Variants in ACOT11 observed in about 807,000 individuals in gnomAD.
ACOT11 encodes acyl-CoA thioesterase 11.
Under a neutral mutation model 77.5 loss-of-function variants are expected in ACOT11, and 69 were observed. That is an observed-to-expected ratio of 0.89 (90% confidence interval 0.73 to 1.09). The LOEUF is 1.09. ACOT11 is among the 50% of genes least tolerant of loss of function. The pLI, the probability that ACOT11 is intolerant of heterozygous loss-of-function variation, is 0.00. For synonymous variants in ACOT11, 279 were observed against 313.0 expected, an observed-to-expected ratio of 0.89 and a Z score of 1.15; for missense variants, 766 against 813.7, an observed-to-expected ratio of 0.94 and a Z score of 0.71.
At chr1:54,562,906 G>C (rs1340087727) in intron 1 of ACOT11, among the ~76,000 whole-genome samples, 3 of 138,908 alleles carry the variant, frequency 2.2e-5, no homozygotes, top group Non-Finnish European at 4.7e-5. Context: ...GGGCGGAGAC[G>C]CTCCTCACTT....
intron 1 of ACOT11, among the ~76,000 whole-genome samples, chr1:54,554,351 A>ATATATATATATTT (rs1553161034): frequency 3.1e-5 from 3 of 97,258 alleles, no homozygotes; most frequent in Non-Finnish European, 5.7e-5. Flanking sequence ...ATATATATAT[A>ATATATATATATTT]TTTTTTTTTT....
intron 1 of ACOT11, among the ~76,000 whole-genome samples, chr1:54,581,368 G>T (rs2100974764): frequency 6.6e-6 from 1 of 152,320 alleles, no homozygotes; most frequent in Middle Eastern, 3.4e-3. Context: ...TTGTCAACTT[G>T]CCTAGAAGGA....
intron 16 of ACOT11, among the ~76,000 whole-genome samples, chr1:54,632,000 A>G (rs899162355): frequency 6.6e-6 from 1 of 152,180 alleles, no homozygotes; most frequent in African/African-American, 2.4e-5. Context: ...GATAAAGGAA[A>G]TACTCCATTT....
intron 15 of ACOT11, chr1:54,621,497 A>T (rs1195609036): frequency 6.6e-6 from 1 of 152,170 alleles, no homozygotes; most frequent in African/African-American, 2.4e-5. Context: ...AAAAAAGATA[A>T]AAGATTGGAA....
chr1:54,607,502 C>T lies in ACOT11; in HGVS notation c.1502+237C>T, dbSNP rs1644042300. 6.6e-6 allele frequency among the ~76,000 whole-genome samples: 1 copy of T among 152,098 alleles called. No individual in the cohort carries two copies. The highest frequency in any genetic ancestry group is 1.5e-5 in the Non-Finnish European group (1 of 67,990). On this transcript the variant is annotated intron_variant, in intron 14 of 15. Coordinates refer to ENST00000343744, the MANE Select transcript of ACOT11 (RefSeq NM_147161.4). The surrounding 1 kb of genome is among the most constrained non-coding windows in gnomAD (Gnocchi z 4.5). Reference sequence around the variant, plus strand: ...ATTCCCTAGAGCAGGGCCACCCTTACCCAGGGTGGCTCAGGCTGCCTCGAT... The same window carrying T: ...ATTCCCTAGAGCAGGGCCACCCTTATCCAGGGTGGCTCAGGCTGCCTCGAT...
At chr1:54,589,141 C>T (rs1227332320) in intron 3 of ACOT11, among the ~76,000 whole-genome samples, 1 of 151,962 alleles carries the variant, frequency 6.6e-6, no homozygotes, top group Non-Finnish European at 1.5e-5. Context: ...CTAAACCTCC[C>T]GAGTAGGTGG....
chr1:54,594,389 C>T (rs1174841025), intron 5 of ACOT11, among the ~76,000 whole-genome samples, 167 bp from the exon 6 acceptor site: 2 of 152,184 alleles, frequency 1.3e-5, no homozygotes, highest in Admixed American at 1.3e-4. Context: ...ATCAGGTCAT[C>T]GTGGAGGCAG....
At chr1:54,612,491 A>T, downstream of ACOT11, 1 of 1,613,372 alleles carries the variant, frequency 6.2e-7, no homozygotes, top group Non-Finnish European at 8.5e-7. Context: ...TTCACCTCTC[A>T]GATTGGCTCA....
At chr1:54,550,056 C>T (rs1653008905) in intron 1 of ACOT11, among the ~76,000 whole-genome samples, 1 of 152,170 alleles carries the variant, frequency 6.6e-6, no homozygotes, top group Non-Finnish European at 1.5e-5. Flanking sequence ...AGTTATCATC[C>T]CCGTATCCCA....
chr1:54,602,028 C>T (rs1348322953), intron 9 of ACOT11, among the ~76,000 whole-genome samples: 1 of 152,242 alleles, frequency 6.6e-6, no homozygotes, highest in Non-Finnish European at 1.5e-5. Flanking sequence ...TGCTGGCCTT[C>T]CAGAGGGTAG....
rs565389843 is a variant in ACOT11 at position 54,587,099 on chromosome 1, G to A, written c.311+1195G>A. Among the ~76,000 whole-genome samples, 5 of 152,324 alleles carry A rather than the reference G, an allele frequency of 3.3e-5. No individual in the cohort carries two copies. The South Asian group carries it at 1.0e-3, about 32-fold the overall frequency. Reference sequence around the variant, plus strand: ...AGATGAGCACCTTTTCCAGACCAGAGGCCTTGCTGAGACTGGGCATGCAAA... The same window carrying A: ...AGATGAGCACCTTTTCCAGACCAGAAGCCTTGCTGAGACTGGGCATGCAAA... On this transcript the variant is annotated intron_variant, in intron 3 of 15. Transcript: ENST00000343744.
chr1:54,619,615 G>T (rs1330985501), intron 15 of ACOT11, among the ~76,000 whole-genome samples: 2 of 152,184 alleles, frequency 1.3e-5, no homozygotes, highest in Non-Finnish European at 2.9e-5. Flanking sequence ...GGAAGGGGTA[G>T]CTGGGAGGGA....
chr1:54,561,751 C>A (rs1320709886), intron 1 of ACOT11, among the ~76,000 whole-genome samples: 32 of 122,620 alleles, frequency 2.6e-4, no homozygotes, highest in African/African-American at 2.7e-4. Context: ...CCCCACCTCC[C>A]TCCCGGACGG....
At position 54,592,556 on chromosome 1, in the gene ACOT11, G is replaced by C. The variant is rs1442858495; in HGVS notation, c.322G>C (p.Val108Leu). ...YFEHTISVGQ[V>L]VNIKAKVNRA... The stretch of plus-strand genomic sequence containing the variant: ...CTTTCCTCTCCCCAGTGTTGGACAA[G>C]TGGTGAATATCAAGGCCAAGGTGAA... The change falls in exon 4 of 16, where the codon GTG becomes CTG. Residue 108 changes from valine to leucine, a missense_variant. By Grantham distance (32) the Val-to-Leu change is conservative (BLOSUM62 1). Coordinates refer to ENST00000343744, the MANE Select transcript of ACOT11 (RefSeq NM_147161.4). 1.2e-6 allele frequency: 2 copies of C among 1,612,946 alleles called. No homozygotes were observed. Among genetic ancestry groups the C allele is most frequent in the Non-Finnish European group, 1.7e-6 (2 of 1,179,480 alleles).
In ACOT11 at chr1:54,607,794, T is replaced by G. The variant is rs1644046701; in HGVS notation, c.1503-148T>G. ...TCCAGCCTGGCCCTGAGCCCCGCATTGGGGCTTTAAGAGTCGATGTGCCTT... is the reference window on the plus strand; with the variant it reads ...TCCAGCCTGGCCCTGAGCCCCGCATGGGGGCTTTAAGAGTCGATGTGCCTT... On this transcript the variant is annotated intron_variant, in intron 14 of 15. Coordinates refer to ENST00000343744, the MANE Select transcript of ACOT11 (RefSeq NM_147161.4). This position sits in a 1 kb window ranked among gnomAD's most constrained non-coding sequence, Gnocchi z 4.5. 1 of 1,075,138 alleles carries G rather than the reference T, an allele frequency of 9.3e-7. No individual in the cohort carries two copies. Among genetic ancestry groups the G allele is most frequent in the African/African-American group, 1.6e-5 (1 of 62,646 alleles). 66.6% of individuals were successfully genotyped at this position (1,075,138 alleles called of 1,614,324 possible). A position where few individuals can be genotyped will look rare whatever the true frequency, so the allele number is the denominator to read the frequency against.
exon 17 of ACOT11, chr1:54,637,496 T>C: frequency 6.6e-6 from 1 of 151,674 alleles, no homozygotes. Context: ...ACAAAAAGAG[T>C]TTTAGGCCAG....
intron 6 of ACOT11, among the ~76,000 whole-genome samples, chr1:54,596,627 A>G (rs1287630312): frequency 6.6e-6 from 1 of 152,178 alleles, no homozygotes; most frequent in Non-Finnish European, 1.5e-5. Flanking sequence ...AGGCTGGAGT[A>G]TAGTGGCGTG....
chr1:54,554,436 C>T (rs1368144810), intron 1 of ACOT11, among the ~76,000 whole-genome samples: 5 of 149,532 alleles, frequency 3.3e-5, no homozygotes, highest in Non-Finnish European at 7.4e-5. Flanking sequence ...ACTGCAGCCT[C>T]GAGCTCCTGG....
chr1:54,615,253 G>A (rs1397260309), downstream of ACOT11, among the ~76,000 whole-genome samples: 1 of 152,140 alleles, frequency 6.6e-6, no homozygotes, highest in Non-Finnish European at 1.5e-5. Context: ...CCAAGAAGGT[G>A]CATTTGAGTA....
Sources: gnomAD v4.1 joint callset for allele counts (sites outside exome capture counted in the v4.1 genomes callset) on GRCh38, gnomAD v4.1.1 for gene constraint, Gnocchi (gnomAD v3.1) non-coding constraint, MANE v1.5 for transcripts, NCBI Gene and HGNC (gene_info 2026-07-23, HGNC 2026-07-21) for gene names.